Variants in UCHL3 observed in about 807,000 individuals in gnomAD.
UCHL3 encodes the protein ubiquitin C-terminal hydrolase L3.
UCHL3 carries 22 observed loss-of-function variants against 35.8 expected under a neutral mutation model. That is an observed-to-expected ratio of 0.61 (90% CI 0.44 to 0.88). UCHL3 has a LOEUF of 0.88. UCHL3 is among the 40% of genes least tolerant of loss of function. The pLI is 0.00. For synonymous variants in UCHL3, 90 were observed against 92.8 expected (o/e 0.97, Z 0.17); for missense variants, 229 against 276.9 (o/e 0.83, Z 1.23).
intron 3 of UCHL3, among the ~76,000 whole-genome samples, chr13:75,564,584 T>C (rs531007462): frequency 2.3e-4 from 35 of 152,368 alleles, no homozygotes; most frequent in Admixed American, 3.9e-4. Flanking sequence ...TTTTTCATAA[T>C]GGCTGTACCA....
At chr13:75,575,871 C>G (rs1312447482) in intron 6 of UCHL3, among the ~76,000 whole-genome samples, 2 of 152,146 alleles carry the variant, frequency 1.3e-5, no homozygotes, top group Non-Finnish European at 2.9e-5. Flanking sequence ...CCTGCCTCAG[C>G]CTCCCAAGTA....
chr13:75,554,601 GTTC>G (rs1431476769), intron 2 of UCHL3, among the ~76,000 whole-genome samples: 1 of 152,126 alleles, frequency 6.6e-6, no homozygotes, highest in Non-Finnish European at 1.5e-5. Context: ...CTCCTAACTA[GTTC>G]TTCTGCTTCT....
chr13:75,552,311 T>A (rs577509921), intron 2 of UCHL3, among the ~76,000 whole-genome samples: 1 of 152,224 alleles, frequency 6.6e-6, no homozygotes, highest in Non-Finnish European at 1.5e-5. Context: ...ATTTGGAGAA[T>A]GAATAAACCC....
rs9600503 is a variant in UCHL3 at position 75,605,042 on chromosome 13, G to A, written c.609+215G>A. ...TATGAACAAATGTAAAAATTGAAAA[G>A]GCAAGAATAGTATTGAAAGACTTGC... is the stretch of plus-strand genomic sequence containing the variant. On this transcript the variant is annotated intron_variant, in intron 8 of 8. Coordinates refer to ENST00000377595, the MANE Select transcript of UCHL3 (RefSeq NM_006002.5). 3.7e-3 allele frequency: 1,415 copies of A among 384,514 alleles called. 15 individuals carry two copies. Among genetic ancestry groups the A allele is most frequent in the African/African-American group, 0.026 (1,237 of 48,320 alleles). The allele number at this position is 384,514 out of a possible 1,614,324, so 23.8% of individuals were successfully genotyped here.
intron 3 of UCHL3, 61 bp from the exon 4 acceptor site, chr13:75,566,634 G>A: frequency 9.3e-7 from 1 of 1,077,200 alleles, no homozygotes; most frequent in African/African-American, 1.7e-5. Flanking sequence ...TTCTTTTACA[G>A]ACTGAGTTTT....
chr13:75,582,616 T>G (rs149462577), intron 6 of UCHL3, among the ~76,000 whole-genome samples: 1 of 152,342 alleles, frequency 6.6e-6, no homozygotes, highest in East Asian at 1.9e-4. Flanking sequence ...TTTAAGACTT[T>G]TATGAAAGAT....
Position 75,560,828 on chromosome 13 carries a change from A to C in UCHL3, c.130A>C (p.Met44Leu). The C allele has an allele frequency of 3.2e-6, 5 of 1,578,212 alleles. No homozygotes were observed. The highest frequency in any genetic ancestry group is 4.3e-6 in the Non-Finnish European group (5 of 1,167,884). ...TGGAATGGATCCTGAACTCCTTAGC[A>C]TGGTACCAAGACCAGTCTGTGCAGT... ...VYGMDPELLS[M>L]VPRPVCAVLL... Residue 44 changes from methionine to leucine, a missense_variant, in exon 3 of 9, where the codon ATG (methionine) becomes CTG (leucine). By Grantham distance (15) the Met-to-Leu change is conservative. Transcript: ENST00000377595.
At chr13:75,571,489 G>A (rs182532302) in intron 6 of UCHL3, among the ~76,000 whole-genome samples, 132 of 152,188 alleles carry the variant, frequency 8.7e-4, no homozygotes, top group Admixed American at 2.3e-3. Flanking sequence ...TATTGTTTCT[G>A]TTTCTTACAA....
intron 6 of UCHL3, among the ~76,000 whole-genome samples, chr13:75,580,443 T>C (rs537696978): frequency 2.0e-5 from 3 of 152,348 alleles, no homozygotes; most frequent in East Asian, 3.9e-4. Context: ...CTTACACATA[T>C]GTGTACACAC....
chr13:75,583,130 G>C (rs1187062779), intron 6 of UCHL3, among the ~76,000 whole-genome samples: 1 of 152,174 alleles, frequency 6.6e-6, no homozygotes, highest in Non-Finnish European at 1.5e-5. Context: ...TGACATACTT[G>C]TTAGAAACAA....
At chr13:75,567,613 T>C (rs1248481948) in intron 5 of UCHL3, among the ~76,000 whole-genome samples, 1 of 152,004 alleles carries the variant, frequency 6.6e-6, no homozygotes, top group Non-Finnish European at 1.5e-5. Flanking sequence ...AGTGATGCCA[T>C]CTCTGCTCAC....
chr13:75,560,895 A>G lies in UCHL3; in HGVS notation c.183+14A>G, dbSNP rs758584070. 6.7e-7 allele frequency: 1 copy of G among 1,491,744 alleles called. No homozygotes were observed. The highest frequency in any genetic ancestry group is 2.6e-5 in the Admixed American group (1 of 38,712). 92.4% of individuals were successfully genotyped at this position (1,491,744 alleles called of 1,614,324 possible). On this transcript the variant is annotated intron_variant, in intron 3 of 8. Coordinates refer to ENST00000377595, the MANE Select transcript of UCHL3 (RefSeq NM_006002.5). ...ATTACAGAAAAGGTAATTGTTATGT[A>G]AAATAGAAAGTTTCTGGTAAATACA...
chr13:75,604,941 T>G (rs1253663760), intron 8 of UCHL3, 114 bp downstream of exon 8: 1 of 865,496 alleles, frequency 1.2e-6, no homozygotes, highest in African/African-American at 1.8e-5. Flanking sequence ...TTATCCTTGT[T>G]CTCTCTAGAA....
chr13:75,568,008 A>C lies in UCHL3; in HGVS notation c.426+696A>C, dbSNP rs544326098. On this transcript the variant is annotated intron_variant, in intron 5 of 8. Coordinates refer to ENST00000377595, the MANE Select transcript of UCHL3 (RefSeq NM_006002.5). ...AGAAAGCAAAGGTTTAAAGGTAGAC[A>C]TTAGACCATACTGTAGCTATTTCAT... Among the ~76,000 whole-genome samples the C allele has an allele frequency of 7.1e-4, 108 of 152,346 alleles. 1 individual carries two copies. Among genetic ancestry groups the C allele is most frequent in the African/African-American group, 2.6e-3 (107 of 41,574 alleles).
intron 6 of UCHL3, among the ~76,000 whole-genome samples, chr13:75,571,175 G>T (rs1431862173): frequency 1.3e-5 from 2 of 152,122 alleles, no homozygotes; most frequent in African/African-American, 4.8e-5. Context: ...TAAGTTTATT[G>T]TTAAGATATG....
intron 2 of UCHL3, among the ~76,000 whole-genome samples, chr13:75,557,349 T>C (rs1213505764): frequency 6.6e-6 from 1 of 152,216 alleles, no homozygotes; most frequent in African/African-American, 2.4e-5. Context: ...CTTTATCTAG[T>C]GAAAAATTTG....
chr13:75,560,165 A>G (rs1036624481), intron 2 of UCHL3, among the ~76,000 whole-genome samples: 40 of 152,178 alleles, frequency 2.6e-4, no homozygotes, highest in African/African-American at 9.2e-4. Context: ...TCATTGATAC[A>G]ATTCATGGCT....
At chr13:75,560,057 G>A (rs367630115) in intron 2 of UCHL3, among the ~76,000 whole-genome samples, 1 of 152,280 alleles carries the variant, frequency 6.6e-6, no homozygotes, top group East Asian at 1.9e-4. Flanking sequence ...TCATTGTGTA[G>A]TAGAGGCCAG....
Position 75,595,206 on chromosome 13 carries a change from A to G in UCHL3, c.550+216A>G, listed in dbSNP as rs556974576. On this transcript the variant is annotated intron_variant, in intron 7 of 8. Transcript: ENST00000377595. ...ACTTATAATTCAAAAATGTTTGCAT[A>G]CCATCTTCGCATTTTAGCAAAGCAA... Among the ~76,000 whole-genome samples, 4 of 152,350 alleles carry G rather than the reference A, an allele frequency of 2.6e-5. No individual in the cohort carries two copies. In the South Asian group the frequency reaches 6.2e-4, roughly 24 times the overall value.
Sources: allele counts gnomAD v4.1 joint callset (sites outside exome capture counted in the v4.1 genomes callset), GRCh38; gene constraint gnomAD v4.1.1; transcripts MANE v1.5; gene names NCBI Gene and HGNC (gene_info 2026-07-23, HGNC 2026-07-21).